The following SLC41A3 variants were observed in gnomAD, a reference collection of about 807,000 sequenced individuals.
The protein encoded by SLC41A3 is SLC41A1-like 2.
Under a neutral mutation model 45.4 loss-of-function variants are expected in SLC41A3, and 44 were observed. The observed-to-expected ratio is 0.97, with a 90% CI of 0.76 to 1.25. SLC41A3 has a LOEUF of 1.25. SLC41A3 is among the 50% of genes most tolerant of loss of function. The pLI is 0.00. For synonymous variants in SLC41A3, 256 were observed against 252.4 expected, an observed-to-expected ratio of 1.01 and a Z score of -0.13; for missense variants, 550 against 600.6, an observed-to-expected ratio of 0.92 and a Z score of 0.88.
At chr3:126,088,063 C>G (rs1057225514), upstream of SLC41A3, among the ~76,000 whole-genome samples, 2 of 152,158 alleles carry the variant, frequency 1.3e-5, no homozygotes, top group South Asian at 2.1e-4. Context: ...GATAATAGAT[C>G]TCTCCTTCAC....
chr3:126,049,816 C>CA (rs1943205967), intron 3 of SLC41A3, among the ~76,000 whole-genome samples: 4 of 152,144 alleles, frequency 2.6e-5, no homozygotes, highest in Admixed American at 2.6e-4. Flanking sequence ...CTTATGGGGT[C>CA]AAAATCAAAA....
intron 3 of SLC41A3, among the ~76,000 whole-genome samples, chr3:126,048,578 ACT>A (rs1473492522): frequency 6.6e-6 from 1 of 152,120 alleles, no homozygotes. Context: ...AATATTTAAG[ACT>A]CTTACTTTCT....
intron 6 of SLC41A3, among the ~76,000 whole-genome samples, chr3:126,022,350 A>G (rs1940959645): frequency 6.6e-6 from 1 of 152,252 alleles, no homozygotes; most frequent in African/African-American, 2.4e-5. Flanking sequence ...ATAATGGAAT[A>G]CCAGAAATTG....
In SLC41A3 at chr3:126,009,475, AG is replaced by A. The variant is rs1420717699; in HGVS notation, c.1106-596del. 2.0e-5 allele frequency among the ~76,000 whole-genome samples: 3 copies of A among 152,202 alleles called. No individual in the cohort carries two copies. In the East Asian group the frequency reaches 5.8e-4, roughly 29 times the overall value. ...GTTTCCTTTAGATTCCCATGCTCTGAGTTTGAGACTTTACAATAAGTGTGAT... is the reference window on the plus strand; with the variant it reads ...GTTTCCTTTAGATTCCCATGCTCTGATTTGAGACTTTACAATAAGTGTGAT... On this transcript the variant is annotated intron_variant, in intron 9 of 10. Transcript: ENST00000360370.
At chr3:126,089,052 A>G (rs1417519908), upstream of SLC41A3, among the ~76,000 whole-genome samples, 1 of 152,208 alleles carries the variant, frequency 6.6e-6, no homozygotes, top group Non-Finnish European at 1.5e-5. Flanking sequence ...CAAGCACCTC[A>G]GATGAAGCAG....
intron 3 of SLC41A3, among the ~76,000 whole-genome samples, chr3:126,034,535 C>T (rs1031528121): frequency 2.0e-5 from 3 of 152,194 alleles, no homozygotes; most frequent in African/African-American, 4.8e-5. Flanking sequence ...ATCTGGGATG[C>T]GGCACCTGAC....
chr3:126,021,184 G>A (rs577188065), intron 6 of SLC41A3, among the ~76,000 whole-genome samples: 22 of 152,234 alleles, frequency 1.4e-4, no homozygotes, highest in South Asian at 6.2e-4. Context: ...GTGAGCCACC[G>A]CGCCTGGCCT....
upstream of SLC41A3, among the ~76,000 whole-genome samples, chr3:126,088,873 C>T (rs1945440450): frequency 6.6e-6 from 1 of 152,082 alleles, no homozygotes; most frequent in Non-Finnish European, 1.5e-5. Context: ...TGATGCAGCA[C>T]CCCACAGCTC....
intron 1 of SLC41A3, among the ~76,000 whole-genome samples, chr3:126,094,012 T>C (rs1488073532): frequency 3.3e-5 from 5 of 152,236 alleles, no homozygotes; most frequent in Admixed American, 3.3e-4. Context: ...AAAGTAGTTA[T>C]ATTTTGCATT....
intron 1 of SLC41A3, among the ~76,000 whole-genome samples, chr3:126,091,022 C>T (rs1945479448): frequency 6.6e-6 from 1 of 152,088 alleles, no homozygotes; most frequent in Non-Finnish European, 1.5e-5. Flanking sequence ...GATGTGTGCC[C>T]AGATCAGCAC....
At chr3:126,064,627 C>T (rs1480187714) in intron 2 of SLC41A3, among the ~76,000 whole-genome samples, 1 of 152,176 alleles carries the variant, frequency 6.6e-6, no homozygotes, top group Non-Finnish European at 1.5e-5. Flanking sequence ...CACCTCCTCC[C>T]GCACCCCCAG....
Position 126,006,644 on chromosome 3 carries a change from C to A in SLC41A3, c.*372G>T. 2.0e-6 allele frequency: 3 copies of A among 1,523,142 alleles called. No homozygotes were observed. The highest frequency in any genetic ancestry group is 1.3e-5 in the South Asian group (1 of 75,616). 94.4% of individuals were successfully genotyped at this position (1,523,142 alleles called of 1,614,324 possible). The stretch of plus-strand genomic sequence containing the variant: ...AAAAGAGCTCCTTCCTGCTCCACCC[C>A]AATCTGGGTTGCATGGGCATGGAAA... On this transcript the variant is annotated 3_prime_UTR_variant, in exon 11 of 11. Coordinates refer to ENST00000360370, the MANE Select transcript of SLC41A3 (RefSeq NM_017836.4).
chr3:126,056,221 C>T, intron 2 of SLC41A3: 1 of 1,121,020 alleles, frequency 8.9e-7, no homozygotes, highest in Non-Finnish European at 1.3e-6. Flanking sequence ...CCCGGGACGC[C>T]CAAGCAGCAA....
intron 3 of SLC41A3, among the ~76,000 whole-genome samples, chr3:126,037,856 G>A (rs758349646): frequency 6.6e-6 from 1 of 152,158 alleles, no homozygotes; most frequent in Non-Finnish European, 1.5e-5. Flanking sequence ...AGATTTTTGA[G>A]GCAGCCCCTC....
Position 126,026,167 on chromosome 3 carries a change from A to T in SLC41A3, c.598+168T>A. ...GGGTGAGGGCACAAGGTGGGCCATG[A>T]AGACCCAGCTGGCTCGTCCCACCCT... is the stretch of plus-strand genomic sequence containing the variant. On this transcript the variant is annotated intron_variant, in intron 5 of 10. Coordinates refer to ENST00000360370, the MANE Select transcript of SLC41A3 (RefSeq NM_017836.4). This position sits in a 1 kb window ranked among gnomAD's most constrained non-coding sequence, Gnocchi z 4.2. 1.9e-6 allele frequency: 2 copies of T among 1,031,254 alleles called. No homozygotes were observed. The highest frequency in any genetic ancestry group is 2.8e-6 in the Non-Finnish European group (2 of 718,564). The allele number at this position is 1,031,254 out of a possible 1,614,324, so 63.9% of individuals were successfully genotyped here. A position where few individuals can be genotyped will look rare whatever the true frequency, so the allele number is the denominator to read the frequency against.
intron 9 of SLC41A3, among the ~76,000 whole-genome samples, chr3:126,010,954 A>C (rs952739522): frequency 3.9e-5 from 6 of 152,230 alleles, no homozygotes; most frequent in Non-Finnish European, 8.8e-5. Context: ...AAGCCAGCTA[A>C]GTAGAGATTC....
At chr3:126,039,594 A>G (rs1171865184) in intron 3 of SLC41A3, among the ~76,000 whole-genome samples, 1 of 152,234 alleles carries the variant, frequency 6.6e-6, no homozygotes, top group Admixed American at 6.5e-5. Context: ...CACTGCAAAC[A>G]CTATTTTTTT....
chr3:126,020,201 G>A (rs1940710361), intron 6 of SLC41A3, among the ~76,000 whole-genome samples: 1 of 152,082 alleles, frequency 6.6e-6, no homozygotes. Flanking sequence ...CGCTGCACTG[G>A]GATACAGGGA....
At chr3:126,079,487 G>A (rs1048490155) in intron 1 of SLC41A3, among the ~76,000 whole-genome samples, 102 of 152,142 alleles carry the variant, frequency 6.7e-4, no homozygotes, top group African/African-American at 2.4e-3. Context: ...CTCCTACAGA[G>A]AAAACCATGG....
Sources: allele counts gnomAD v4.1 joint callset (sites outside exome capture counted in the v4.1 genomes callset), GRCh38; gene constraint gnomAD v4.1.1; non-coding constraint Gnocchi (gnomAD v3.1); transcripts MANE v1.5; gene names NCBI Gene and HGNC (gene_info 2026-07-23, HGNC 2026-07-21).